Variants in TLE4 observed in about 807,000 individuals in gnomAD.
TLE4 encodes transducin-like enhancer protein 4.
Under a neutral mutation model 92.8 loss-of-function variants are expected in TLE4, and 8 were observed. That is an observed-to-expected ratio of 0.09 (90% CI 0.05 to 0.16). The LOEUF (loss-of-function observed/expected upper bound fraction) is 0.16, where lower values mean the gene tolerates loss of function less well. Ranked by LOEUF, TLE4 falls within the 10% of genes least tolerant of loss-of-function variation. The pLI is 1.00. For missense variants in TLE4, 675 were observed against 997.6 expected, an observed-to-expected ratio of 0.68 and a Z score of 4.36; for synonymous variants, 371 against 374.1, an observed-to-expected ratio of 0.99 and a Z score of 0.10.
chr9:79,704,886 A>G lies in TLE4; in HGVS notation c.713A>G (p.Glu238Gly). The G allele has an allele frequency of 1.2e-6, 2 of 1,614,164 alleles. No individual in the cohort carries two copies. The highest frequency in any genetic ancestry group is 1.1e-5 in the South Asian group (1 of 91,080). Residue 238 changes from glutamate to glycine, a missense_variant, in exon 9 of 20, where the codon GAA (glutamate) becomes GGA (glycine). Transcript: ENST00000376552. ...AAAAAGCAGAAAACTGAAGAAAAGG[A>G]AATTGCAGCTCGTTATGTAAGTTCA... ...ESKKQKTEEKEIAARYDSDGE... is the reference protein window; with the variant it reads ...ESKKQKTEEKGIAARYDSDGE...
At chr9:79,691,809 T>C (rs2067141319) in intron 8 of TLE4, among the ~76,000 whole-genome samples, 1 of 152,120 alleles carries the variant, frequency 6.6e-6, no homozygotes, top group African/African-American at 2.4e-5. Flanking sequence ...TGCTAGTTAT[T>C]CTCAGTCTCA....
intron 4 of TLE4, among the ~76,000 whole-genome samples, chr9:79,586,453 G>A (rs1296100185): frequency 6.6e-6 from 1 of 152,132 alleles, no homozygotes; most frequent in African/African-American, 2.4e-5. Context: ...ATGTGCAAAG[G>A]GACTATGTAG....
intron 7 of TLE4, among the ~76,000 whole-genome samples, chr9:79,653,290 A>G (rs997956160): frequency 5.9e-5 from 9 of 152,354 alleles, no homozygotes; most frequent in Admixed American, 5.9e-4. Flanking sequence ...TACAGACCAA[A>G]TTAATGAAAT....
intron 8 of TLE4, among the ~76,000 whole-genome samples, chr9:79,691,955 C>T (rs888196227): frequency 5.3e-5 from 8 of 152,148 alleles, no homozygotes; most frequent in African/African-American, 1.2e-4. Flanking sequence ...GGTCCCCATT[C>T]GCCCTCTTAA....
At chr9:79,673,302 C>A (rs545364568) in intron 8 of TLE4, among the ~76,000 whole-genome samples, 6 of 152,246 alleles carry the variant, frequency 3.9e-5, no homozygotes, top group African/African-American at 1.4e-4. Context: ...CTGATTATAA[C>A]AAATATTATA....
At position 79,680,060 on chromosome 9, in the gene TLE4, G is replaced by A. The variant is rs201409884; in HGVS notation, c.610-24723G>A. On this transcript the variant is annotated intron_variant, in intron 8 of 19. Coordinates refer to ENST00000376552, the MANE Select transcript of TLE4 (RefSeq NM_007005.6). ...TGAAGTCAGGTAGCGTGATGCCTCCGGCTTTGTTCTTTTGGCTTAGGATTG... is the reference window on the plus strand; with the variant it reads ...TGAAGTCAGGTAGCGTGATGCCTCCAGCTTTGTTCTTTTGGCTTAGGATTG... 9.0e-3 allele frequency among the ~76,000 whole-genome samples: 1,361 copies of A among 150,918 alleles called. 36 individuals are homozygous for A. Among genetic ancestry groups the A allele is most frequent in the East Asian group, 0.038 (194 of 5,132 alleles).
chr9:79,725,014 T>C (rs1179179105), intron 19 of TLE4, 23 bp from the exon 20 acceptor site: 2 of 1,580,714 alleles, frequency 1.3e-6, no homozygotes, highest in Admixed American at 1.7e-5. Context: ...TTTAACATTT[T>C]TGATTATATG....
At chr9:79,707,157 T>C (rs1191263308) in intron 11 of TLE4, 1 of 1,613,030 alleles carries the variant, frequency 6.2e-7, no homozygotes, top group African/African-American at 1.3e-5. Context: ...GAAACACGTC[T>C]TAGCGAAGAT....
At chr9:79,590,597 G>C (rs2042303330) in intron 4 of TLE4, among the ~76,000 whole-genome samples, 1 of 152,136 alleles carries the variant, frequency 6.6e-6, no homozygotes, top group African/African-American at 2.4e-5. Flanking sequence ...GTAAAGACCT[G>C]CTTTAGTTGT....
intron 4 of TLE4, among the ~76,000 whole-genome samples, chr9:79,592,183 C>T (rs865863416): frequency 1.6e-3 from 212 of 135,324 alleles, no homozygotes; most frequent in Middle Eastern, 3.7e-3. Context: ...CTTCCTCTTC[C>T]TCTTCTTCTT....
At chr9:79,603,998 T>A (rs1430400569) in intron 4 of TLE4, among the ~76,000 whole-genome samples, 1 of 152,208 alleles carries the variant, frequency 6.6e-6, no homozygotes, top group East Asian at 1.9e-4. Flanking sequence ...GATTAGTATG[T>A]GCATTACAGT....
At chr9:79,708,015 T>C in intron 11 of TLE4, 103 bp from the exon 12 acceptor site, 3 of 1,253,936 alleles carry the variant, frequency 2.4e-6, no homozygotes, top group Non-Finnish European at 3.3e-6. Flanking sequence ...GAAGAACCTC[T>C]TCCATTTCTT....
chr9:79,604,163 T>G (rs1428936204), intron 4 of TLE4, among the ~76,000 whole-genome samples: 1 of 151,598 alleles, frequency 6.6e-6, no homozygotes, highest in Non-Finnish European at 1.5e-5. Context: ...TCAGAGGGAG[T>G]GTCCTGTGGG....
intron 8 of TLE4, chr9:79,668,936 C>T (rs1441870070): frequency 1.3e-5 from 8 of 619,098 alleles, no homozygotes; most frequent in Non-Finnish European, 1.6e-5. Context: ...GAGGAATTAT[C>T]AATGCAGGTT....
chr9:79,622,787 C>T lies in TLE4; in HGVS notation c.316-4587C>T, dbSNP rs553647061. ...AAAAACAAAGCCTTCCCAGATGCCG[C>T]GGGAAGTGCGCTGGCCATTTCCTCC... On this transcript the variant is annotated intron_variant, in intron 5 of 19. Transcript: ENST00000376552. 2.6e-5 allele frequency among the ~76,000 whole-genome samples: 4 copies of T among 152,236 alleles called. No individual in the cohort carries two copies. The East Asian group carries it at 5.8e-4, about 22-fold the overall frequency.
intron 8 of TLE4, among the ~76,000 whole-genome samples, chr9:79,666,203 G>C (rs1344445700): frequency 3.8e-5 from 5 of 130,260 alleles, no homozygotes; most frequent in Admixed American, 8.6e-5. Context: ...GTGTGGGTGG[G>C]GTTTTTTTTT....
chr9:79,654,684 AT>A (rs1448664436), intron 8 of TLE4, among the ~76,000 whole-genome samples: 1 of 149,234 alleles, frequency 6.7e-6, no homozygotes, highest in Non-Finnish European at 1.5e-5. Context: ...GAGGAAAAGT[AT>A]TTAAGGTCTA....
chr9:79,646,129 C>T (rs1026901868), intron 6 of TLE4, among the ~76,000 whole-genome samples: 16 of 151,790 alleles, frequency 1.1e-4, no homozygotes, highest in Admixed American at 2.0e-4. Flanking sequence ...AAATTACATC[C>T]GTAACAAATC....
intron 8 of TLE4, among the ~76,000 whole-genome samples, chr9:79,696,683 T>C (rs1310087961): frequency 6.6e-6 from 1 of 152,218 alleles, no homozygotes; most frequent in African/African-American, 2.4e-5. Context: ...GAAAAGACTT[T>C]CTTTTCTAAT....
Sources: gnomAD v4.1 joint callset for allele counts (sites outside exome capture counted in the v4.1 genomes callset) on GRCh38, gnomAD v4.1.1 for gene constraint, MANE v1.5 for transcripts, NCBI Gene and HGNC (gene_info 2026-07-23, HGNC 2026-07-21) for gene names.